The following TJP1 variants were observed in gnomAD, a reference collection of about 807,000 sequenced individuals.
TJP1 encodes the protein tight junction protein 1.
TJP1 carries 43 observed loss-of-function variants against 194.2 expected under a neutral mutation model. That is an observed-to-expected ratio of 0.22 (90% CI 0.17 to 0.29). TJP1 has a LOEUF of 0.29. Among genes scored for constraint, TJP1 ranks in the 10% least tolerant of loss-of-function variants. The pLI is 1.00. For missense variants in TJP1, 1,971 were observed against 2,185.7 expected, an observed-to-expected ratio of 0.90 and a Z score of 1.96; for synonymous variants, 801 against 779.0, an observed-to-expected ratio of 1.03 and a Z score of -0.47.
intron 2 of TJP1, among the ~76,000 whole-genome samples, chr15:29,839,195 T>A (rs1241435475): frequency 6.6e-6 from 1 of 151,890 alleles, no homozygotes; most frequent in Non-Finnish European, 1.5e-5. Flanking sequence ...AGACGAGGTT[T>A]CCCTGTGTTA....
At chr15:29,936,805 G>A (rs2054897800) in intron 2 of TJP1, among the ~76,000 whole-genome samples, 1 of 152,098 alleles carries the variant, frequency 6.6e-6, no homozygotes, top group African/African-American at 2.4e-5. Context: ...CCGCTCTACT[G>A]GGTTCATAAG....
chr15:29,923,938 G>A (rs1179166449), intron 2 of TJP1, among the ~76,000 whole-genome samples: 1 of 152,208 alleles, frequency 6.6e-6, no homozygotes, highest in Non-Finnish European at 1.5e-5. Flanking sequence ...TAATGTGTGT[G>A]AGTTTCACCA....
At chr15:29,818,868 GTGCAGTGGCC>G (rs1485087784) in intron 1 of TJP1, among the ~76,000 whole-genome samples, 2 of 151,672 alleles carry the variant, frequency 1.3e-5, no homozygotes, top group Non-Finnish European at 2.9e-5. Context: ...CCAGGCTGTA[GTGCAGTGGCC>G]CCGATCTCAG....
At chr15:29,869,126 T>C (rs2052404826) in intron 2 of TJP1, among the ~76,000 whole-genome samples, 1 of 152,208 alleles carries the variant, frequency 6.6e-6, no homozygotes, top group Non-Finnish European at 1.5e-5. Flanking sequence ...ATCTCACTCC[T>C]TATACCAAAA....
chr15:29,872,708 T>C (rs1024864043), intron 2 of TJP1, among the ~76,000 whole-genome samples: 1 of 152,184 alleles, frequency 6.6e-6, no homozygotes, highest in Admixed American at 6.5e-5. Flanking sequence ...AACCCTGCAT[T>C]AGGCCCCTTC....
At chr15:29,878,240 C>T (rs779533007) in intron 2 of TJP1, among the ~76,000 whole-genome samples, 43 of 151,044 alleles carry the variant, frequency 2.8e-4, no homozygotes, top group African/African-American at 9.0e-4. Flanking sequence ...TTAGTAGAGA[C>T]GGGGTTTCAC....
chr15:29,848,718 G>T (rs2051516281), intron 2 of TJP1, among the ~76,000 whole-genome samples: 1 of 152,108 alleles, frequency 6.6e-6, no homozygotes, highest in African/African-American at 2.4e-5. Flanking sequence ...AATTAGCTGG[G>T]CATGGTGGCA....
In TJP1 at chr15:29,700,667, C is replaced by A; in HGVS notation, c.*928G>T. The A allele has an allele frequency of 1.3e-4, 33 of 251,610 alleles. No homozygotes were observed. Among genetic ancestry groups the A allele is most frequent in the East Asian group, 1.9e-4 (3 of 15,618 alleles). The allele number at this position is 251,610 out of a possible 1,614,324, so 15.6% of individuals were successfully genotyped here. A position where few individuals can be genotyped will look rare whatever the true frequency, so the allele number is the denominator to read the frequency against. On this transcript the variant is annotated 3_prime_UTR_variant, in exon 28 of 28. Coordinates refer to ENST00000614355, the MANE Select transcript of TJP1 (RefSeq NM_001330239.4). The stretch of plus-strand genomic sequence containing the variant: ...TTATGTACAAGCATCCTTAAAACAT[C>A]AAAATTTTCAAATGCATAGCCAGAA...
chr15:29,937,794 C>T (rs1228932333), intron 2 of TJP1, among the ~76,000 whole-genome samples: 4 of 152,152 alleles, frequency 2.6e-5, no homozygotes, highest in African/African-American at 9.7e-5. Flanking sequence ...TGTTCTTTTG[C>T]CCTGGTTCAA....
chr15:29,738,144 C>G lies in TJP1; in HGVS notation c.1257-730G>C, dbSNP rs955444188. Reference sequence around the variant, plus strand: ...CTTGTGACATTCCTTAAAACAAATACTAAAGGATGCCTTCTAAGAACTGAC... The same window carrying G: ...CTTGTGACATTCCTTAAAACAAATAGTAAAGGATGCCTTCTAAGAACTGAC... On this transcript the variant is annotated intron_variant, in intron 10 of 27. Coordinates refer to ENST00000614355, the MANE Select transcript of TJP1 (RefSeq NM_001330239.4). Among the ~76,000 whole-genome samples the G allele has an allele frequency of 5.3e-5, 8 of 152,188 alleles. No homozygotes were observed. In the East Asian group the frequency reaches 1.3e-3, roughly 26 times the overall value.
chr15:29,798,391 G>C (rs781196909), intron 2 of TJP1, among the ~76,000 whole-genome samples: 1 of 151,802 alleles, frequency 6.6e-6, no homozygotes, highest in Non-Finnish European at 1.5e-5. Flanking sequence ...GAATATTTGC[G>C]TTATACTTAC....
In TJP1 at chr15:29,733,179, T is replaced by C. The variant is rs1408303798; in HGVS notation, c.1651A>G (p.Asn551Asp). 12 of 1,614,060 alleles carry C rather than the reference T, an allele frequency of 7.4e-6. No homozygotes were observed. Among genetic ancestry groups the C allele is most frequent in the Admixed American group, 1.7e-5 (1 of 60,008 alleles). ...GCAAGCCAAGAGCCCAGTTTTCCAT[T>C]GTACAAGGTATCCACAACACGGAAC... ...EVFRVVDTLY[N>D]GKLGSWLAIR... The change falls in exon 13 of 28, where the codon AAT (asparagine) becomes GAT (aspartate). Residue 551 changes from asparagine (N) to aspartate (D), a missense_variant. By Grantham distance (23) the Asn-to-Asp change is conservative. Transcript: ENST00000614355.
intron 2 of TJP1, among the ~76,000 whole-genome samples, chr15:29,865,207 T>C (rs937552046): frequency 3.3e-5 from 5 of 152,212 alleles, no homozygotes; most frequent in African/African-American, 9.6e-5. Context: ...CCAATCCTTC[T>C]GATAAGACGA....
At chr15:29,771,632 T>C (rs1366416412) in intron 4 of TJP1, among the ~76,000 whole-genome samples, 3 of 151,698 alleles carry the variant, frequency 2.0e-5, no homozygotes, top group Middle Eastern at 3.4e-3. Flanking sequence ...GGTGAAACCC[T>C]GTCTCTACTA....
chr15:29,836,283 T>C (rs2051026116), intron 2 of TJP1, among the ~76,000 whole-genome samples: 1 of 151,986 alleles, frequency 6.6e-6, no homozygotes, highest in African/African-American at 2.4e-5. Flanking sequence ...ACTTTTTTTT[T>C]TTTTTTGAGA....
chr15:29,799,404 T>C (rs1282604063), intron 2 of TJP1, among the ~76,000 whole-genome samples: 1 of 151,558 alleles, frequency 6.6e-6, no homozygotes, highest in Non-Finnish European at 1.5e-5. Flanking sequence ...CTATATCTTA[T>C]CAGAAAAAAA....
chr15:29,826,239 A>G (rs1567110163), upstream of TJP1, among the ~76,000 whole-genome samples: 2 of 152,030 alleles, frequency 1.3e-5, no homozygotes, highest in Non-Finnish European at 2.9e-5. Context: ...AATTCCTCCT[A>G]TGGGGCTACC....
At chr15:29,965,208 T>TTTA (rs1360492895) in intron 1 of TJP1, among the ~76,000 whole-genome samples, 1 of 151,566 alleles carries the variant, frequency 6.6e-6, no homozygotes, top group Non-Finnish European at 1.5e-5. Context: ...TATTTATTTA[T>TTTA]TTATTTATTT....
At chr15:29,914,333 G>C (rs1317730861) in intron 2 of TJP1, among the ~76,000 whole-genome samples, 1 of 152,118 alleles carries the variant, frequency 6.6e-6, no homozygotes, top group Non-Finnish European at 1.5e-5. Flanking sequence ...GCTATATAGA[G>C]CTCCCCTAAT....
Sources: gnomAD v4.1 joint callset for allele counts (sites outside exome capture counted in the v4.1 genomes callset) on GRCh38, gnomAD v4.1.1 for gene constraint, MANE v1.5 for transcripts, NCBI Gene and HGNC (gene_info 2026-07-23, HGNC 2026-07-21) for gene names.